Variants in GPBP1 observed in about 807,000 individuals in gnomAD.
GPBP1 encodes GC-rich promoter binding protein 1, also known as vasculin.
In GPBP1, 13 loss-of-function variants were observed where a neutral mutation model predicts 56.5. The observed-to-expected ratio is 0.23, with a 90% CI of 0.15 to 0.37. GPBP1 has a LOEUF of 0.37. Ranked by LOEUF, GPBP1 falls within the 10% of genes least tolerant of loss-of-function variation. The pLI is 1.00. For missense variants in GPBP1, 477 were observed against 572.3 expected (o/e 0.83, Z 1.70); for synonymous variants, 204 against 188.9 (o/e 1.08, Z -0.66).
At chr5:57,227,915 T>C (rs1381234643) in intron 3 of GPBP1, among the ~76,000 whole-genome samples, 2 of 152,024 alleles carry the variant, frequency 1.3e-5, no homozygotes, top group South Asian at 2.1e-4. Flanking sequence ...AAGGGCAAGA[T>C]AGAAAACTGG....
intron 3 of GPBP1, among the ~76,000 whole-genome samples, chr5:57,216,176 C>T (rs1465280463): frequency 6.6e-6 from 1 of 152,166 alleles, no homozygotes; most frequent in Non-Finnish European, 1.5e-5. Context: ...CTCCAGAGTT[C>T]TCGACTGTAG....
chr5:57,244,478 C>CT (rs1334872246), intron 6 of GPBP1, among the ~76,000 whole-genome samples: 1 of 152,186 alleles, frequency 6.6e-6, no homozygotes, highest in Non-Finnish European at 1.5e-5. Flanking sequence ...CTGCCCCCTG[C>CT]TTTAACACCT....
chr5:57,180,604 A>G (rs1256855333), intron 2 of GPBP1, among the ~76,000 whole-genome samples: 1 of 152,204 alleles, frequency 6.6e-6, no homozygotes, highest in Non-Finnish European at 1.5e-5. Flanking sequence ...GGTTTAGGAT[A>G]TGGAATATCT....
chr5:57,191,857 C>T (rs1031895004), intron 2 of GPBP1, among the ~76,000 whole-genome samples: 2 of 152,076 alleles, frequency 1.3e-5, no homozygotes, highest in African/African-American at 4.8e-5. Flanking sequence ...ACCACGCCGG[C>T]CTGTCTAGGT....
Position 57,263,296 on chromosome 5 carries a change from AT to A in GPBP1, c.*547del, listed in dbSNP as rs1189006370. 3 of 152,316 alleles carry A rather than the reference AT, an allele frequency of 2.0e-5. No homozygotes were observed. Among genetic ancestry groups the A allele is most frequent in the African/African-American group, 7.2e-5 (3 of 41,454 alleles). 9.4% of individuals were successfully genotyped at this position (152,316 alleles called of 1,614,324 possible). A position where few individuals can be genotyped will look rare whatever the true frequency, so the allele number is the denominator to read the frequency against. The stretch of plus-strand genomic sequence containing the variant: ...AACTGGAGCAAAGTGCACTAAAACA[AT>A]TTCCTGAACTCACCTGTTGTACTAT... On this transcript the variant is annotated 3_prime_UTR_variant, in exon 12 of 12. Coordinates refer to ENST00000506184, the MANE Select transcript of GPBP1 (RefSeq NM_022913.4).
intron 3 of GPBP1, among the ~76,000 whole-genome samples, chr5:57,216,591 C>CA (rs1202605561): frequency 2.0e-5 from 3 of 151,992 alleles, no homozygotes; most frequent in African/African-American, 7.2e-5. Flanking sequence ...GGTGCGGTGG[C>CA]ATGAGAATCA....
intron 2 of GPBP1, among the ~76,000 whole-genome samples, chr5:57,186,906 C>T (rs1180782673): frequency 6.6e-6 from 1 of 151,432 alleles, no homozygotes; most frequent in Non-Finnish European, 1.5e-5. Context: ...TCCAGTTGTG[C>T]AAGTTTCATT....
intron 6 of GPBP1, among the ~76,000 whole-genome samples, chr5:57,244,891 G>A (rs1410323503): frequency 6.6e-6 from 1 of 151,828 alleles, no homozygotes; most frequent in Non-Finnish European, 1.5e-5. Flanking sequence ...ATGCCAACAC[G>A]CCCCGCTAAT....
chr5:57,223,709 G>A (rs983955631), intron 3 of GPBP1, among the ~76,000 whole-genome samples: 4 of 150,756 alleles, frequency 2.7e-5, no homozygotes, highest in Non-Finnish European at 5.9e-5. Context: ...TCGCTTCTGG[G>A]TATAATTGGT....
intron 9 of GPBP1, among the ~76,000 whole-genome samples, chr5:57,250,062 A>G (rs566793279): frequency 1.6e-5 from 2 of 123,598 alleles, no homozygotes; most frequent in African/African-American, 6.2e-5. Flanking sequence ...AGCAGACTCC[A>G]CTTCCCAGGT....
rs70999067 is a variant in GPBP1, at chr5:57,226,729, CTTTTTTTTTTTTTTT to C, written c.64-4103_64-4089del. ...ACCAAGCCTGGCTAATTTTTGTATT[CTTTTTTTTTTTTTTT>C]TTTTTTTTTTTTTGAGACAGAATTT... On this transcript the variant is annotated intron_variant, in intron 3 of 11. Coordinates refer to ENST00000506184, the MANE Select transcript of GPBP1 (RefSeq NM_022913.4). Among the ~76,000 whole-genome samples, 583 of 77,134 alleles carry C rather than the reference CTTTTTTTTTTTTTTT, an allele frequency of 7.6e-3. 2 individuals carry two copies. Among genetic ancestry groups the C allele is most frequent in the African/African-American group, 0.032 (551 of 17,036 alleles). 50.6% of individuals were successfully genotyped at this position (77,134 alleles called of 152,430 possible).
At chr5:57,221,051 A>G (rs1295168785) in intron 3 of GPBP1, among the ~76,000 whole-genome samples, 1 of 152,224 alleles carries the variant, frequency 6.6e-6, no homozygotes, top group Non-Finnish European at 1.5e-5. Flanking sequence ...TGAAAAGATG[A>G]CATGAAGATT....
In GPBP1 at chr5:57,181,218, C is replaced by T. The variant is rs1403486317; in HGVS notation, c.-58+4818C>T. On this transcript the variant is annotated intron_variant, in intron 2 of 11. Coordinates refer to ENST00000506184, the MANE Select transcript of GPBP1 (RefSeq NM_022913.4). ...AGCATGGTGACATGCGCCTGTAGTC[C>T]TAGCTACTTGGAAGGCTGAGGCAGG... Among the ~76,000 whole-genome samples the T allele has an allele frequency of 4.6e-5, 7 of 152,150 alleles. No individual in the cohort carries two copies. In the East Asian group the frequency reaches 1.2e-3, roughly 25 times the overall value.
At chr5:57,203,394 G>A (rs1448647097) in intron 2 of GPBP1, among the ~76,000 whole-genome samples, 1 of 152,116 alleles carries the variant, frequency 6.6e-6, no homozygotes, top group Non-Finnish European at 1.5e-5. Context: ...CTCATACTTT[G>A]GGAGGCCGAG....
In GPBP1 at chr5:57,197,902, G is replaced by GT. The variant is rs200786479; in HGVS notation, c.-57-16169dup. Among the ~76,000 whole-genome samples, 15 of 152,106 alleles carry GT rather than the reference G, an allele frequency of 9.9e-5. No homozygotes were observed. In the East Asian group the frequency reaches 2.9e-3, roughly 29 times the overall value. On this transcript the variant is annotated intron_variant, in intron 2 of 11. Coordinates refer to ENST00000506184, the MANE Select transcript of GPBP1 (RefSeq NM_022913.4). ...TTTAAGAATGAGGCAATAAAAAGTTGTTTGAGAGTTAGGTGTATGTGAGCA... is the reference window on the plus strand; with the variant it reads ...TTTAAGAATGAGGCAATAAAAAGTTGTTTTGAGAGTTAGGTGTATGTGAGCA...
intron 2 of GPBP1, among the ~76,000 whole-genome samples, chr5:57,189,127 ATTT>A (rs1175375210): frequency 4.0e-5 from 6 of 149,468 alleles, no homozygotes; most frequent in Non-Finnish European, 9.0e-5. Context: ...TACCCGGCTA[ATTT>A]TTTTTTTGGA....
intron 3 of GPBP1, among the ~76,000 whole-genome samples, chr5:57,228,641 C>T (rs1009000773): frequency 6.6e-6 from 1 of 151,582 alleles, no homozygotes; most frequent in African/African-American, 2.4e-5. Context: ...TTATTTTACT[C>T]AGATTTCAGC....
intron 3 of GPBP1, among the ~76,000 whole-genome samples, chr5:57,215,004 G>A (rs1006951493): frequency 1.3e-5 from 2 of 152,116 alleles, no homozygotes; most frequent in Non-Finnish European, 2.9e-5. Flanking sequence ...CACCATCAGC[G>A]TACACTAAGC....
At position 57,229,941 on chromosome 5, in the gene GPBP1, GCGTCCCGTCC is replaced by G. The variant is rs112231997; in HGVS notation, c.64-883_64-874del. ...CCTTCCCATCCCGTTGCATCGCATC[GCGTCCCGTCC>G]CGTCCCGTCCCGTCCCGTCCCTTCT... On this transcript the variant is annotated intron_variant, in intron 3 of 11. Transcript: ENST00000506184. Among the ~76,000 whole-genome samples the G allele has an allele frequency of 7.1e-4, 104 of 146,180 alleles. 1 individual carries two copies. The highest frequency in any genetic ancestry group is 1.6e-3 in the African/African-American group (63 of 39,202).
Sources: gnomAD v4.1 joint callset for allele counts (sites outside exome capture counted in the v4.1 genomes callset) on GRCh38, gnomAD v4.1.1 for gene constraint, MANE v1.5 for transcripts, NCBI Gene and HGNC (gene_info 2026-07-23, HGNC 2026-07-21) for gene names.